The following SHISA9 variants were observed in gnomAD, a reference collection of about 807,000 sequenced individuals.
The protein encoded by SHISA9 is protein shisa-9.
In SHISA9, 13 loss-of-function variants were observed where a neutral mutation model predicts 38.0. That is an observed-to-expected ratio of 0.34 (90% CI 0.22 to 0.54). The LOEUF is 0.54. Among genes scored for constraint, SHISA9 ranks in the 20% least tolerant of loss-of-function variants. The pLI is 0.91. For missense variants in SHISA9, 538 were observed against 575.8 expected, an observed-to-expected ratio of 0.93 and a Z score of 0.67; for synonymous variants, 275 against 242.0, an observed-to-expected ratio of 1.14 and a Z score of -1.27.
At chr16:13,147,891 A>G (rs1440168387) in intron 2 of SHISA9, among the ~76,000 whole-genome samples, 1 of 152,214 alleles carries the variant, frequency 6.6e-6, no homozygotes, top group Non-Finnish European at 1.5e-5. Flanking sequence ...GCTTGAGAGA[A>G]GCTCACATGT....
intron 2 of SHISA9, among the ~76,000 whole-genome samples, chr16:13,068,324 C>A (rs2073458518): frequency 6.6e-6 from 1 of 152,230 alleles, no homozygotes; most frequent in Non-Finnish European, 1.5e-5. Context: ...TGGCTGCAAT[C>A]AGGCAATGCA....
At chr16:13,463,758 G>T in the SHISA9 span, among the ~76,000 whole-genome samples, 5 of 152,308 alleles carry the variant, frequency 3.3e-5, no homozygotes, top group African/African-American at 1.2e-4. Flanking sequence ...CGAGCAAATG[G>T]GCTAATCAGC....
intron 2 of SHISA9, among the ~76,000 whole-genome samples, chr16:13,127,385 GGA>G (rs1201675401): frequency 1.4e-5 from 2 of 138,856 alleles, no homozygotes; most frequent in Non-Finnish European, 3.1e-5. Context: ...AGAGAGGGAG[GGA>G]GAGAGAGGAA....
At chr16:13,222,113 T>C (rs1149406) in intron 4 of SHISA9, among the ~76,000 whole-genome samples, 71,696 of 151,766 alleles carry the variant, frequency 0.47, 17,742 homozygotes, top group East Asian at 0.75. Context: ...CCATCAGATC[T>C]CATGAGACTT....
intron 2 of SHISA9, among the ~76,000 whole-genome samples, chr16:12,962,899 G>T (rs2071929932): frequency 6.6e-6 from 1 of 152,134 alleles, no homozygotes; most frequent in Non-Finnish European, 1.5e-5. Context: ...TCTTCTTTCA[G>T]GGCCTGGCCT....
At chr16:13,288,868 T>A in the SHISA9 span, among the ~76,000 whole-genome samples, 1 of 152,224 alleles carries the variant, frequency 6.6e-6, no homozygotes, top group Non-Finnish European at 1.5e-5. Context: ...ACTAGGGAAC[T>A]CATTTAATCT....
the SHISA9 span, among the ~76,000 whole-genome samples, chr16:13,301,991 C>G: frequency 6.6e-6 from 1 of 152,208 alleles, no homozygotes; most frequent in Non-Finnish European, 1.5e-5. Flanking sequence ...TTTACTATTG[C>G]AGAGAGAATG....
intron 4 of SHISA9, among the ~76,000 whole-genome samples, chr16:13,217,419 TA>T (rs1366860507): frequency 1.3e-5 from 2 of 152,184 alleles, no homozygotes; most frequent in African/African-American, 4.8e-5. Context: ...ACTTTAAACT[TA>T]AGCCCAGTGC....
the SHISA9 span, among the ~76,000 whole-genome samples, chr16:13,310,132 C>T: frequency 6.6e-6 from 1 of 152,198 alleles, no homozygotes; most frequent in African/African-American, 2.4e-5. Flanking sequence ...AGGTGATCCA[C>T]CTGCCTCGGC....
At chr16:13,430,802 C>A in the SHISA9 span, among the ~76,000 whole-genome samples, 1 of 151,534 alleles carries the variant, frequency 6.6e-6, no homozygotes, top group Non-Finnish European at 1.5e-5. Context: ...GCCTGTAGTC[C>A]CAGCTACTTG....
At chr16:13,466,046 T>C in the SHISA9 span, among the ~76,000 whole-genome samples, 2 of 152,136 alleles carry the variant, frequency 1.3e-5, no homozygotes, top group African/African-American at 2.4e-5. Context: ...CTTGAGTGGA[T>C]TGGGGGATGT....
chr16:13,055,079 A>C (rs933468885), intron 2 of SHISA9, among the ~76,000 whole-genome samples: 20 of 152,154 alleles, frequency 1.3e-4, no homozygotes, highest in African/African-American at 4.6e-4. Flanking sequence ...CCTTCTCCTA[A>C]TTTGGCCATC....
At chr16:13,550,930 T>G in the SHISA9 span, among the ~76,000 whole-genome samples, 3 of 152,138 alleles carry the variant, frequency 2.0e-5, no homozygotes, top group African/African-American at 4.8e-5. Context: ...GAGACCAGCC[T>G]GGCCAACACA....
At chr16:13,014,126 G>A (rs1395293620) in intron 2 of SHISA9, among the ~76,000 whole-genome samples, 7 of 152,134 alleles carry the variant, frequency 4.6e-5, no homozygotes, top group Non-Finnish European at 1.0e-4. Flanking sequence ...AATCCTACAA[G>A]GCTATTATCC....
intron 2 of SHISA9, among the ~76,000 whole-genome samples, chr16:12,963,257 T>G (rs895708224): frequency 6.6e-6 from 1 of 152,026 alleles, no homozygotes; most frequent in African/African-American, 2.4e-5. Context: ...GGACATGGAG[T>G]GCATCTCTGC....
intron 2 of SHISA9, among the ~76,000 whole-genome samples, chr16:12,977,038 C>G (rs1462609778): frequency 6.6e-6 from 1 of 152,206 alleles, no homozygotes; most frequent in Non-Finnish European, 1.5e-5. Context: ...GCCTTGGACA[C>G]TTTTCTTCCA....
At chr16:13,033,627 G>A (rs1301233866) in intron 2 of SHISA9, among the ~76,000 whole-genome samples, 2 of 152,132 alleles carry the variant, frequency 1.3e-5, no homozygotes, top group Admixed American at 1.3e-4. Flanking sequence ...CAGGCATGGG[G>A]GATGGTGGTG....
intron 2 of SHISA9, among the ~76,000 whole-genome samples, chr16:13,146,532 G>A (rs989796549): frequency 2.6e-5 from 4 of 152,052 alleles, no homozygotes; most frequent in Non-Finnish European, 4.4e-5. Context: ...CAACTCAATT[G>A]TACTCTTTTT....
chr16:13,197,161 A>G (rs941096255), intron 2 of SHISA9, among the ~76,000 whole-genome samples: 1 of 126,844 alleles, frequency 7.9e-6, no homozygotes, highest in African/African-American at 2.9e-5. Context: ...ATATATAGAG[A>G]GAGAGAGAGA....
Sources: allele counts gnomAD v4.1 joint callset (sites outside exome capture counted in the v4.1 genomes callset), GRCh38; gene constraint gnomAD v4.1.1; transcripts MANE v1.5; gene names NCBI Gene and HGNC (gene_info 2026-07-23, HGNC 2026-07-21).